The following ZFHX3 variants were observed in gnomAD, a reference collection of about 807,000 sequenced individuals.
The protein encoded by ZFHX3 is zinc finger homeobox protein 3.
Under a neutral mutation model 279.1 loss-of-function variants are expected in ZFHX3, and 42 were observed. The ratio of observed to expected loss-of-function variants is 0.15; its 90% CI spans 0.12 to 0.19. The LOEUF (loss-of-function observed/expected upper bound fraction) is 0.19, where lower values mean the gene tolerates loss of function less well. ZFHX3 is among the 10% of genes least tolerant of loss of function. The pLI, the probability that ZFHX3 is intolerant of heterozygous loss-of-function variation, is 1.00. For synonymous variants in ZFHX3, 2,293 were observed against 1,957.8 expected, an observed-to-expected ratio of 1.17 and a Z score of -4.52; for missense variants, 4,981 against 4,754.0, an observed-to-expected ratio of 1.05 and a Z score of -1.40.
intron 2 of ZFHX3, among the ~76,000 whole-genome samples, chr16:73,468,367 T>A (rs1196546475): frequency 4.6e-5 from 7 of 152,172 alleles, no homozygotes; most frequent in African/African-American, 1.7e-4. Flanking sequence ...CATACGGGCT[T>A]AGTCACATCT....
chr16:72,796,886 G>A lies in ZFHX3; in HGVS notation c.5796C>T (p.Leu1932=), dbSNP rs1378753632. The change falls in exon 9 of 10, where the codon CTC becomes CTT. Residue 1932 remains leucine, a synonymous_variant. Coordinates refer to ENST00000268489, the MANE Select transcript of ZFHX3 (RefSeq NM_006885.4). ...TGGCATCTGAAGCAATGCGTGGAGG[G>A]AGCATGGAAGGCTCAGAACCACCCC... ...APGGGSEPSM[L]PPRIASDARG... 3 of 1,613,762 alleles carry A rather than the reference G, an allele frequency of 1.9e-6. No individual in the cohort carries two copies. The highest frequency in any genetic ancestry group is 2.2e-5 in the South Asian group (2 of 91,064).
chr16:72,939,916 CT>C (rs1296104519), intron 3 of ZFHX3, among the ~76,000 whole-genome samples: 6 of 152,086 alleles, frequency 3.9e-5, no homozygotes, highest in African/African-American at 1.4e-4. Flanking sequence ...GTAGCTGGGA[CT>C]ATAAGCACCA....
chr16:73,538,968 C>T (rs2019959951), intron 2 of ZFHX3, among the ~76,000 whole-genome samples: 1 of 152,064 alleles, frequency 6.6e-6, no homozygotes, highest in Non-Finnish European at 1.5e-5. Flanking sequence ...AGAAACAATA[C>T]CTGTAACACA....
intron 4 of ZFHX3, among the ~76,000 whole-genome samples, chr16:72,838,369 C>G (rs1418628583): frequency 1.3e-5 from 2 of 152,222 alleles, no homozygotes; most frequent in Admixed American, 6.5e-5. Context: ...TGTTCGGCCC[C>G]TGCTGGGCAG....
At chr16:73,487,314 T>C in intron 2 of ZFHX3, 1 of 324,990 alleles carries the variant, frequency 3.1e-6, no homozygotes, top group South Asian at 2.5e-5. Flanking sequence ...AGGGTGCAGT[T>C]ACTCAAATGT....
chr16:73,787,133 C>A (rs1209158238), intron 1 of ZFHX3, among the ~76,000 whole-genome samples: 1 of 152,152 alleles, frequency 6.6e-6, no homozygotes, highest in African/African-American at 2.4e-5. Context: ...GGTAAAGAAA[C>A]TCATGTGTTC....
chr16:73,135,408 T>C (rs1966770220), intron 6 of ZFHX3, among the ~76,000 whole-genome samples: 1 of 152,184 alleles, frequency 6.6e-6, no homozygotes, highest in African/African-American at 2.4e-5. Context: ...AAAGGATTTA[T>C]TTTCTTTCGT....
At chr16:73,277,106 C>G (rs980467617) in intron 4 of ZFHX3, among the ~76,000 whole-genome samples, 1 of 152,136 alleles carries the variant, frequency 6.6e-6, no homozygotes, top group Admixed American at 6.5e-5. Context: ...GTGATTCTGC[C>G]TCACACTTTA....
chr16:73,454,080 G>C (rs1597341514), intron 3 of ZFHX3, among the ~76,000 whole-genome samples: 1 of 152,070 alleles, frequency 6.6e-6, no homozygotes, highest in Admixed American at 6.5e-5. Context: ...AGGGAGCCGA[G>C]GTAGGGCATT....
chr16:73,291,048 T>C (rs1055558770), intron 4 of ZFHX3, among the ~76,000 whole-genome samples: 1 of 152,146 alleles, frequency 6.6e-6, no homozygotes, highest in Non-Finnish European at 1.5e-5. Context: ...TTCTAGCCAA[T>C]CAAGTTGACC....
intron 4 of ZFHX3, among the ~76,000 whole-genome samples, chr16:73,313,352 G>C (rs536458270): frequency 1.3e-5 from 2 of 152,230 alleles, no homozygotes; most frequent in South Asian, 2.1e-4. Context: ...AATACAGCCA[G>C]ATTCTGTAGT....
intron 2 of ZFHX3, among the ~76,000 whole-genome samples, chr16:73,634,415 C>G (rs1298199222): frequency 7.6e-6 from 1 of 130,760 alleles, no homozygotes; most frequent in Non-Finnish European, 1.5e-5. Context: ...GAAGGCAACT[C>G]AACCAGTTAT....
At position 73,026,190 on chromosome 16, in the gene ZFHX3, TACAAAA is replaced by T. The variant is rs1964490583; in HGVS notation, c.-50+21556_-50+21561del. On this transcript the variant is annotated intron_variant, in intron 1 of 9. Coordinates refer to ENST00000268489, the MANE Select transcript of ZFHX3 (RefSeq NM_006885.4). ...GGCAAAACCCCATCTCTACAAAAAA[TACAAAA>T]AAAAAAAAAAAAAAAAAAAAAAAAA... Among the ~76,000 whole-genome samples the T allele has an allele frequency of 3.0e-3, 8 of 2,648 alleles. No homozygotes were observed. In the South Asian group the frequency reaches 0.061, roughly 20 times the overall value. The allele number at this position is 2,648 out of a possible 152,430, so 1.7% of individuals were successfully genotyped here.
chr16:73,471,707 G>C (rs770554678), intron 2 of ZFHX3, among the ~76,000 whole-genome samples: 2 of 152,306 alleles, frequency 1.3e-5, no homozygotes, highest in South Asian at 4.1e-4. Flanking sequence ...CAAGGACTAG[G>C]TCAAAAGGAA....
At chr16:73,647,935 C>T (rs750075341) in intron 2 of ZFHX3, among the ~76,000 whole-genome samples, 10 of 151,998 alleles carry the variant, frequency 6.6e-5, no homozygotes, top group African/African-American at 9.7e-5. Context: ...ATAAAACATA[C>T]GCTCAATACA....
chr16:73,493,980 G>C (rs1474471167), intron 2 of ZFHX3, among the ~76,000 whole-genome samples: 1 of 152,072 alleles, frequency 6.6e-6, no homozygotes, highest in African/African-American at 2.4e-5. Context: ...TTCCTCCCCA[G>C]AGTGGCTTCT....
chr16:73,211,773 C>T (rs1255008196), intron 5 of ZFHX3, among the ~76,000 whole-genome samples: 1 of 151,308 alleles, frequency 6.6e-6, no homozygotes, highest in African/African-American at 2.4e-5. Context: ...TTTTTGGGGG[C>T]TAGCATGATT....
In ZFHX3 at chr16:72,950,932, C is replaced by T; in HGVS notation, c.2753G>A (p.Gly918Glu). The T allele has an allele frequency of 1.9e-6, 3 of 1,614,016 alleles. No homozygotes were observed. The highest frequency in any genetic ancestry group is 2.5e-6 in the Non-Finnish European group (3 of 1,179,998). ...GGEIPLDMRL[G>E]GGQLVSEELM... is the part of the protein sequence containing the mutation. ...CTCCTCTGACACCAGCTGCCCGCCC[C>T]CGAGCCGCATGTCTAGGGGGATCTC... is the stretch of plus-strand genomic sequence containing the variant. Residue 918 changes from glycine (G) to glutamate (E), a missense_variant, in exon 3 of 10, where the codon GGG becomes GAG. By Grantham distance (98) the Gly-to-Glu change is moderately conservative. Around this residue, in one of 7 missense-constraint regions of ZFHX3, gnomAD observed 1,751 missense variants for 1,770.0 expected, o/e 0.99. Coordinates refer to ENST00000268489, the MANE Select transcript of ZFHX3 (RefSeq NM_006885.4).
chr16:73,336,166 A>G (rs1270381774), intron 3 of ZFHX3, among the ~76,000 whole-genome samples: 1 of 152,202 alleles, frequency 6.6e-6, no homozygotes, highest in East Asian at 1.9e-4. Context: ...AACTAACCCT[A>G]TTATTAACCT....
Sources: gnomAD v4.1 joint callset for allele counts (sites outside exome capture counted in the v4.1 genomes callset) on GRCh38, gnomAD v4.1.1 for gene constraint, gnomAD v4.1.1 regional missense constraint, MANE v1.5 for transcripts, NCBI Gene and HGNC (gene_info 2026-07-23, HGNC 2026-07-21) for gene names.